ITGB7: variants seen among roughly 807,000 people sequenced by gnomAD.
ITGB7 encodes the protein integrin beta-7.
ITGB7 carries 55 observed loss-of-function variants against 83.4 expected under a neutral mutation model. The ratio of observed to expected loss-of-function variants is 0.66; its 90% CI spans 0.53 to 0.83. The LOEUF (loss-of-function observed/expected upper bound fraction) is 0.83, where lower values mean the gene tolerates loss of function less well. ITGB7 is among the 40% of genes least tolerant of loss of function. The pLI is 0.00. For missense variants in ITGB7, 921 were observed against 1,046.7 expected, an observed-to-expected ratio of 0.88 and a Z score of 1.66; for synonymous variants, 454 against 423.6, an observed-to-expected ratio of 1.07 and a Z score of -0.88.
Position 53,197,801 on chromosome 12 carries a change from C to T in ITGB7, c.352G>A (p.Glu118Lys). The T allele has an allele frequency of 5.2e-6, 8 of 1,545,436 alleles. No homozygotes were observed. The highest frequency in any genetic ancestry group is 7.0e-6 in the Non-Finnish European group (8 of 1,150,170). ...DQPLSQGARG[E>K]GATQLAPQRV... ...TGCGGCGCCAGCTGGGTGGCACCCT[C>T]TCCGCGGGCGCCCTGGCTGAGCGGC... The change falls in exon 4 of 16, where the codon GAG becomes AAG. Residue 118 changes from glutamate (E) to lysine (K), a missense_variant. Transcript: ENST00000267082.
chr12:53,204,317 T>C (rs1161834342), intron 1 of ITGB7, among the ~76,000 whole-genome samples: 2 of 150,426 alleles, frequency 1.3e-5, no homozygotes, highest in Admixed American at 1.3e-4. Flanking sequence ...GAGGCGGAGG[T>C]TGCAGTGAGC....
rs377089571 is a variant in ITGB7, at chr12:53,192,770, G to T, written c.1867C>A (p.Arg623Ser). ...TAGTAGCCGTCCAAGCACTGGCAGC[G>T]GTTGCATTTGCAGCGTCCATGCCCA... ...CSGHGRCKCN[R>S]CQCLDGYYGA... The change falls in exon 13 of 16, where the codon CGC (arginine) becomes AGC (serine). Residue 623 changes from arginine to serine, a missense_variant. Transcript: ENST00000267082. 3 of 1,614,116 alleles carry T rather than the reference G, an allele frequency of 1.9e-6. No individual in the cohort carries two copies. The African/African-American group carries it at 4.0e-5, about 22-fold the overall frequency.
chr12:53,195,041 G>A, intron 9 of ITGB7: 1 of 295,466 alleles, frequency 3.4e-6, no homozygotes, highest in Admixed American at 4.4e-5. Context: ...GATGGTAACA[G>A]TTATGAAGCA....
chr12:53,197,266 G>T, intron 5 of ITGB7: 3 of 619,428 alleles, frequency 4.8e-6, no homozygotes, highest in Non-Finnish European at 8.8e-6. Flanking sequence ...CTCTCCAGAC[G>T]CTGGGTCTCA....
intron 10 of ITGB7, 59 bp downstream of exon 10, chr12:53,194,139 T>A: frequency 6.2e-7 from 1 of 1,608,436 alleles, no homozygotes; most frequent in Non-Finnish European, 8.5e-7. Flanking sequence ...TCCTGCCTGC[T>A]TAATTTCCCA....
chr12:53,201,571 T>C (rs575318357), intron 1 of ITGB7, among the ~76,000 whole-genome samples: 2 of 152,300 alleles, frequency 1.3e-5, no homozygotes, highest in East Asian at 1.9e-4. Flanking sequence ...AAAAAACATA[T>C]TAATTTTTTA....
intron 11 of ITGB7, 147 bp from the exon 12 acceptor site, chr12:53,193,510 A>C: frequency 1.3e-6 from 1 of 746,364 alleles, no homozygotes; most frequent in African/African-American, 1.8e-5. Flanking sequence ...TGAAACACTG[A>C]GGGGTGAGAG....
Position 53,196,697 on chromosome 12 carries a change from A to G in ITGB7, c.698T>C (p.Leu233Pro), listed in dbSNP as rs1942174053. 1.9e-6 allele frequency: 3 copies of G among 1,612,756 alleles called. No individual in the cohort carries two copies. The highest frequency in any genetic ancestry group is 2.5e-6 in the Non-Finnish European group (3 of 1,179,336). Residue 233 changes from leucine to proline, a missense_variant, in exon 6 of 16, where the codon CTG becomes CCG. Physicochemically the swap from Leu to Pro is moderately conservative, Grantham distance 98 (BLOSUM62 -3). Coordinates refer to ENST00000267082, the MANE Select transcript of ITGB7 (RefSeq NM_000889.3). ...CQSPFSFHHV[L>P]SLTGDAQAFE... ...GGCTTGTGCGTCCCCCGTCAGGGAC[A>G]GCACATGGTGAAAGCTGAATGGTGA...
intron 1 of ITGB7, among the ~76,000 whole-genome samples, chr12:53,204,931 T>A (rs1249523759): frequency 6.8e-6 from 1 of 147,360 alleles, no homozygotes; most frequent in South Asian, 2.1e-4. Flanking sequence ...TTCAAGTGAG[T>A]CGTGTGCCTC....
At position 53,196,278 on chromosome 12, in the gene ITGB7, A is replaced by G. The variant is rs1254813774; in HGVS notation, c.817-79T>C. On this transcript the variant is annotated intron_variant, in intron 6 of 15. Coordinates refer to ENST00000267082, the MANE Select transcript of ITGB7 (RefSeq NM_000889.3). ...CCCCAGCCAGCTCTGTGAGCCAAGA[A>G]TGTGGCCAGCCTCACTCTGAGTCAG... 5.9e-6 allele frequency: 9 copies of G among 1,525,634 alleles called. No homozygotes were observed. The Admixed American group carries it at 1.0e-4, about 18-fold the overall frequency. 94.5% of individuals were successfully genotyped at this position (1,525,634 alleles called of 1,614,324 possible). A position where few individuals can be genotyped will look rare whatever the true frequency, so the allele number is the denominator to read the frequency against.
rs372925129 is a variant in ITGB7, at chr12:53,191,636, C to T, written c.2317G>A (p.Asp773Asn). 1 of 1,612,894 alleles carries T rather than the reference C, an allele frequency of 6.2e-7. No homozygotes were observed. Among genetic ancestry groups the T allele is most frequent in the Non-Finnish European group, 8.5e-7 (1 of 1,178,910 alleles). ...GCACTTTTGTAGAGAGGATTACTGT[C>T]CTGGAGAAAGATGTTGCAGATTATA... ...KEQQQLNWKQ[D>N]SNPLYKSAIT... The change falls in exon 16 of 16, where the codon GAC (aspartate) becomes AAC (asparagine). Residue 773 changes from aspartate (D) to asparagine (N), a missense_variant and splice_region_variant. Asp to Asn is a conservative substitution (Grantham distance 23). Coordinates refer to ENST00000267082, the MANE Select transcript of ITGB7 (RefSeq NM_000889.3).
At chr12:53,192,989 C>A in intron 12 of ITGB7, 79 bp from the exon 13 acceptor site, 1 of 1,459,136 alleles carries the variant, frequency 6.9e-7, no homozygotes, top group Non-Finnish European at 9.5e-7. Context: ...CAAGCCCACG[C>A]ATCCAATCTT....
intron 11 of ITGB7, 75 bp from the exon 12 acceptor site, chr12:53,193,438 C>CT: frequency 8.9e-7 from 1 of 1,127,562 alleles, no homozygotes; most frequent in Non-Finnish European, 1.2e-6. Context: ...CCAGGAACCT[C>CT]TAAACCCAAG....
chr12:53,202,966 A>G (rs1033229454), intron 1 of ITGB7, among the ~76,000 whole-genome samples: 12 of 152,168 alleles, frequency 7.9e-5, no homozygotes, highest in Non-Finnish European at 1.6e-4. Flanking sequence ...AACTACTAAA[A>G]CTATAAATTC....
At chr12:53,207,031 A>T (rs11170472) in intron 1 of ITGB7, among the ~76,000 whole-genome samples, 171 bp downstream of exon 1, 16,679 of 152,144 alleles carry the variant, frequency 0.11, 1,218 homozygotes, top group East Asian at 0.27. Flanking sequence ...AAACTGGAGG[A>T]GGGAACCAGG....
chr12:53,204,905 A>C (rs1182271951), intron 1 of ITGB7, among the ~76,000 whole-genome samples: 1 of 147,736 alleles, frequency 6.8e-6, no homozygotes, highest in Non-Finnish European at 1.5e-5. Flanking sequence ...GTGATGTACA[A>C]CCTCTGCCTC....
chr12:53,201,870 TG>T (rs2120513847), intron 1 of ITGB7, among the ~76,000 whole-genome samples: 1 of 152,240 alleles, frequency 6.6e-6, no homozygotes, highest in African/African-American at 2.4e-5. Flanking sequence ...CACTGTACTT[TG>T]CCCTGGGCAA....
At chr12:53,202,221 T>G (rs770416953) in intron 1 of ITGB7, among the ~76,000 whole-genome samples, 1 of 151,840 alleles carries the variant, frequency 6.6e-6, no homozygotes, top group Non-Finnish European at 1.5e-5. Flanking sequence ...TAGCTGGGTG[T>G]GGTGGTGGGC....
intron 9 of ITGB7, 58 bp from the exon 10 acceptor site, chr12:53,194,402 C>A: frequency 1.3e-6 from 2 of 1,555,698 alleles, no homozygotes; most frequent in Non-Finnish European, 1.8e-6. Flanking sequence ...TCCAACCCCA[C>A]CTTATGTCCT....
Sources: gnomAD v4.1 joint callset for allele counts (sites outside exome capture counted in the v4.1 genomes callset) on GRCh38, gnomAD v4.1.1 for gene constraint, MANE v1.5 for transcripts, NCBI Gene and HGNC (gene_info 2026-07-23, HGNC 2026-07-21) for gene names.